Variants in ITGBL1 observed in about 807,000 individuals in gnomAD.
ITGBL1 encodes the protein integrin beta-like protein 1.
In ITGBL1, 51 loss-of-function variants were observed where a neutral mutation model predicts 68.5. That is an observed-to-expected ratio of 0.74 (90% confidence interval 0.59 to 0.94). The LOEUF (loss-of-function observed/expected upper bound fraction) is 0.94, where lower values mean the gene tolerates loss of function less well. ITGBL1 is among the 40% of genes least tolerant of loss of function. ITGBL1 has a pLI of 0.00. For synonymous variants in ITGBL1, 209 were observed against 227.3 expected, an observed-to-expected ratio of 0.92 and a Z score of 0.72; for missense variants, 649 against 647.4, an observed-to-expected ratio of 1.00 and a Z score of -0.03.
At chr13:101,602,877 T>G (rs982569755) in intron 7 of ITGBL1, among the ~76,000 whole-genome samples, 2 of 151,990 alleles carry the variant, frequency 1.3e-5, no homozygotes, top group Non-Finnish European at 2.9e-5. Flanking sequence ...TTTGCAAGGT[T>G]TATCAAAGTT....
chr13:101,460,737 G>C (rs2139621028), intron 2 of ITGBL1, among the ~76,000 whole-genome samples: 1 of 152,254 alleles, frequency 6.6e-6, no homozygotes, highest in East Asian at 1.9e-4. Flanking sequence ...GAGGCCTCAG[G>C]AAGCCTTTAC....
chr13:101,624,389 T>C (rs1006754651), intron 7 of ITGBL1, among the ~76,000 whole-genome samples: 1 of 152,146 alleles, frequency 6.6e-6, no homozygotes, highest in Admixed American at 6.6e-5. Context: ...CCTTTTATTT[T>C]CCCTGCTCTG....
chr13:101,518,424 G>C (rs2049229933), intron 2 of ITGBL1, among the ~76,000 whole-genome samples: 1 of 152,122 alleles, frequency 6.6e-6, no homozygotes, highest in African/African-American at 2.4e-5. Flanking sequence ...TTTGTCATCT[G>C]TCCAAACAGT....
chr13:101,519,528 C>T (rs1268835718), intron 2 of ITGBL1, among the ~76,000 whole-genome samples: 2 of 152,052 alleles, frequency 1.3e-5, no homozygotes, highest in Non-Finnish European at 2.9e-5. Flanking sequence ...TGCCTGCCTG[C>T]CTGCCTGTCT....
intron 1 of ITGBL1, among the ~76,000 whole-genome samples, chr13:101,453,429 G>C (rs138272813): frequency 5.9e-5 from 9 of 152,348 alleles, no homozygotes; most frequent in Admixed American, 3.3e-4. Flanking sequence ...TCTTTCTATA[G>C]ATTCACGTTT....
intron 7 of ITGBL1, among the ~76,000 whole-genome samples, chr13:101,669,559 A>G (rs933195103): frequency 2.0e-5 from 3 of 152,212 alleles, no homozygotes; most frequent in African/African-American, 7.2e-5. Flanking sequence ...GAACATTACT[A>G]TACTGATACA....
At chr13:101,545,370 A>T (rs1191957761) in intron 2 of ITGBL1, among the ~76,000 whole-genome samples, 1 of 152,248 alleles carries the variant, frequency 6.6e-6, no homozygotes, top group African/African-American at 2.4e-5. Context: ...TAAAGGTATT[A>T]GAATTGAATG....
chr13:101,715,553 T>C lies in ITGBL1; in HGVS notation c.1394-10T>C, dbSNP rs199792076. The C allele has an allele frequency of 2.7e-4, 424 of 1,594,524 alleles. No individual in the cohort carries two copies. Among genetic ancestry groups the C allele is most frequent in the Non-Finnish European group, 3.5e-4 (408 of 1,162,390 alleles). ...TCATAATCATGATACCTATATGTAT[T>C]TTATTGCAGGGAATGGAATATGTAG... On this transcript the variant is annotated splice_polypyrimidine_tract_variant and intron_variant, in intron 10 of 10. Transcript: ENST00000376180.
intron 7 of ITGBL1, among the ~76,000 whole-genome samples, chr13:101,650,473 A>C (rs965858381): frequency 6.6e-6 from 1 of 152,168 alleles, no homozygotes; most frequent in African/African-American, 2.4e-5. Context: ...CATTCATGGT[A>C]ATTGAAAATA....
intron 7 of ITGBL1, among the ~76,000 whole-genome samples, chr13:101,678,267 G>A (rs2033553927): frequency 6.6e-6 from 1 of 152,160 alleles, no homozygotes; most frequent in Non-Finnish European, 1.5e-5. Flanking sequence ...TTTTGGTAGA[G>A]TCAAAAACAA....
intron 2 of ITGBL1, among the ~76,000 whole-genome samples, chr13:101,549,564 A>G (rs1177397200): frequency 2.0e-5 from 3 of 152,074 alleles, no homozygotes; most frequent in Non-Finnish European, 4.4e-5. Context: ...ATGCCCAGAA[A>G]AATAATGAAA....
At chr13:101,526,156 T>TTCTTCTTC (rs1555356283) in intron 2 of ITGBL1, among the ~76,000 whole-genome samples, 1 of 9,884 alleles carries the variant, frequency 1.0e-4, no homozygotes, top group South Asian at 3.9e-3. Context: ...CTTCTTCTTC[T>TTCTTCTTC]TTTTTTTTTT....
intron 8 of ITGBL1, among the ~76,000 whole-genome samples, chr13:101,706,283 T>A (rs1187506858): frequency 1.3e-5 from 2 of 152,172 alleles, no homozygotes. Context: ...GGTATACAGA[T>A]AAACTAATAT....
intron 8 of ITGBL1, among the ~76,000 whole-genome samples, chr13:101,698,608 T>G (rs2034057984): frequency 6.6e-6 from 1 of 152,240 alleles, no homozygotes. Flanking sequence ...TCAAAACATC[T>G]TTATTAAAAG....
chr13:101,588,956 TACCA>T (rs2050605911), intron 6 of ITGBL1, among the ~76,000 whole-genome samples: 1 of 152,202 alleles, frequency 6.6e-6, no homozygotes, highest in African/African-American at 2.4e-5. Context: ...GAGAATCTGG[TACCA>T]ACACCTGATA....
intron 2 of ITGBL1, among the ~76,000 whole-genome samples, chr13:101,545,290 G>C (rs1222338605): frequency 6.6e-6 from 1 of 152,222 alleles, no homozygotes; most frequent in African/African-American, 2.4e-5. Flanking sequence ...AGAATTAACA[G>C]TGTTAGAATG....
intron 3 of ITGBL1, among the ~76,000 whole-genome samples, chr13:101,574,546 G>C (rs1229989749): frequency 6.6e-6 from 1 of 152,084 alleles, no homozygotes; most frequent in African/African-American, 2.4e-5. Flanking sequence ...GATTCCCGTT[G>C]GATTTTCAGA....
chr13:101,642,244 T>C (rs971239415), intron 7 of ITGBL1, among the ~76,000 whole-genome samples: 2 of 152,164 alleles, frequency 1.3e-5, no homozygotes, highest in African/African-American at 4.8e-5. Context: ...GACTTTTTAA[T>C]GATTGCCATT....
intron 7 of ITGBL1, among the ~76,000 whole-genome samples, chr13:101,666,369 C>T (rs184189173): frequency 1.1e-3 from 169 of 152,192 alleles, no homozygotes; most frequent in African/African-American, 3.7e-3. Flanking sequence ...CTGGTTTATC[C>T]GGTTGCCTCA....
Sources: gnomAD v4.1 joint callset for allele counts (sites outside exome capture counted in the v4.1 genomes callset) on GRCh38, gnomAD v4.1.1 for gene constraint, MANE v1.5 for transcripts, NCBI Gene and HGNC (gene_info 2026-07-23, HGNC 2026-07-21) for gene names.